DDX18: variants seen among roughly 807,000 people sequenced by gnomAD.
The protein encoded by DDX18 is ATP-dependent RNA helicase DDX18.
DDX18 carries 23 observed loss-of-function variants against 73.5 expected under a neutral mutation model. The ratio of observed to expected loss-of-function variants is 0.31; its 90% CI spans 0.23 to 0.44. The LOEUF (loss-of-function observed/expected upper bound fraction) is 0.44. Ranked by LOEUF, DDX18 falls within the 20% of genes least tolerant of loss-of-function variation. The pLI is 1.00. For missense variants in DDX18, 753 were observed against 792.9 expected (o/e 0.95, Z 0.60); for synonymous variants, 268 against 282.7 (o/e 0.95, Z 0.52).
At chr2:117,829,175 C>T in intron 12 of DDX18, 114 bp from the exon 13 acceptor site, 1 of 1,213,582 alleles carries the variant, frequency 8.2e-7, no homozygotes, top group Non-Finnish European at 1.2e-6. Context: ...CCACTCTGTG[C>T]CCTCTTTAAA....
chr2:117,829,043 C>A, intron 12 of DDX18, 38 bp downstream of exon 12: 1 of 1,529,282 alleles, frequency 6.5e-7, no homozygotes, highest in South Asian at 1.1e-5. Flanking sequence ...AAACAGGAAC[C>A]TTGTCCCAGC....
chr2:117,816,053 G>A (rs1679752007), intron 1 of DDX18, among the ~76,000 whole-genome samples: 1 of 152,194 alleles, frequency 6.6e-6, no homozygotes, highest in Non-Finnish European at 1.5e-5. Context: ...AAAAGGTACA[G>A]TAAAAAGACT....
intron 10 of DDX18, 57 bp from the exon 11 acceptor site, chr2:117,826,212 C>T (rs1234813100): frequency 3.4e-6 from 5 of 1,472,320 alleles, no homozygotes; most frequent in Admixed American, 1.7e-5. Flanking sequence ...TGCAGATACG[C>T]AAATGGGCTC....
Position 117,831,057 on chromosome 2 carries a change from T to G in DDX18, c.*333T>G. ...TAATTCTTTTTGTACCTTTCCTTCTTGTTTTGCGAAGATTTTTGTGGCATG... is the reference window on the plus strand; with the variant it reads ...TAATTCTTTTTGTACCTTTCCTTCTGGTTTTGCGAAGATTTTTGTGGCATG... On this transcript the variant is annotated 3_prime_UTR_variant, in exon 14 of 14. Transcript: ENST00000263239. 1 of 237,516 alleles carries G rather than the reference T, an allele frequency of 4.2e-6. No homozygotes were observed. The highest frequency in any genetic ancestry group is 8.0e-6 in the Non-Finnish European group (1 of 124,874). 14.7% of individuals were successfully genotyped at this position (237,516 alleles called of 1,614,324 possible).
chr2:117,821,326 G>A (rs990600563), intron 4 of DDX18, 30 bp downstream of exon 4: 4 of 1,581,370 alleles, frequency 2.5e-6, no homozygotes, highest in South Asian at 1.2e-5. Flanking sequence ...TTAGATATTG[G>A]CATCTATTTT....
intron 1 of DDX18, among the ~76,000 whole-genome samples, chr2:117,816,868 T>C (rs1168883385): frequency 2.0e-5 from 3 of 152,232 alleles, no homozygotes; most frequent in Admixed American, 1.3e-4. Context: ...TATAATCTTA[T>C]GGAGCCACTG....
rs1034718000 is a variant in DDX18, at chr2:117,829,220, TA to T, written c.1693-65del. 6.7e-6 allele frequency: 10 copies of T among 1,493,662 alleles called. No individual in the cohort carries two copies. In the African/African-American group the frequency reaches 1.4e-4, roughly 21 times the overall value. The allele number at this position is 1,493,662 out of a possible 1,614,324, so 92.5% of individuals were successfully genotyped here. A position where few individuals can be genotyped will look rare whatever the true frequency, so the allele number is the denominator to read the frequency against. ...TGGAGTGGCTTTGCTCTAGGATATTTAAAATCTGGTGTTTTGGAGGTTTTTG... is the reference window on the plus strand; with the variant it reads ...TGGAGTGGCTTTGCTCTAGGATATTTAAATCTGGTGTTTTGGAGGTTTTTG... On this transcript the variant is annotated intron_variant, in intron 12 of 13. Coordinates refer to ENST00000263239, the MANE Select transcript of DDX18 (RefSeq NM_006773.4).
chr2:117,817,861 G>A (rs1428508939), intron 2 of DDX18, 133 bp downstream of exon 2: 2 of 859,980 alleles, frequency 2.3e-6, no homozygotes, highest in African/African-American at 1.7e-5. Flanking sequence ...GATTAGCCTG[G>A]TAGCTAATGG....
At chr2:117,830,506 G>A (rs903609248) in intron 13 of DDX18, 76 bp from the exon 14 acceptor site, 55 of 1,521,602 alleles carry the variant, frequency 3.6e-5, no homozygotes, top group African/African-American at 9.8e-5. Context: ...TGTTCATGCC[G>A]GTTTTTTTCT....
chr2:117,818,806 G>A (rs577915617), intron 2 of DDX18, among the ~76,000 whole-genome samples: 279 of 152,234 alleles, frequency 1.8e-3, no homozygotes, highest in African/African-American at 6.4e-3. Flanking sequence ...ACAGGCAGAA[G>A]CCACCACACC....
chr2:117,828,816 G>T, intron 11 of DDX18, 133 bp from the exon 12 acceptor site: 1 of 648,416 alleles, frequency 1.5e-6, no homozygotes, highest in South Asian at 1.9e-5. Context: ...AACATTGGGA[G>T]ACTAGAAAAA....
In DDX18 at chr2:117,830,782, T is replaced by G. The variant is rs533131078; in HGVS notation, c.*58T>G. ...GTCCTAAAATGAATTTTTTTTCCCC[T>G]TGATTTAACAGGATTTTTGTAGACT... On this transcript the variant is annotated 3_prime_UTR_variant, in exon 14 of 14. Transcript: ENST00000263239. 1.7e-4 allele frequency: 269 copies of G among 1,591,892 alleles called. 2 individuals carry two copies. Among genetic ancestry groups the G allele is most frequent in the East Asian group, 1.0e-3 (45 of 44,650 alleles).
Position 117,825,015 on chromosome 2 carries a change from C to G in DDX18, c.1282C>G (p.Leu428Val). 6.2e-7 allele frequency: 1 copy of G among 1,613,474 alleles called. No homozygotes were observed. The highest frequency in any genetic ancestry group is 8.5e-7 in the Non-Finnish European group (1 of 1,179,532). The part of the protein sequence containing the change: ...TFLKKNRKKK[L>V]MVFFSSCMSV... ...CCTTAAGAAGAACCGAAAGAAGAAG[C>G]TTATGGTCTTCTTTTCATCTTGTAT... The change falls in exon 9 of 14, where the codon CTT becomes GTT. Residue 428 changes from leucine to valine, a missense_variant. Physicochemically the swap from Leu to Val is conservative, Grantham distance 32 (BLOSUM62 1). Transcript: ENST00000263239.
chr2:117,819,534 A>G, intron 2 of DDX18, 115 bp from the exon 3 acceptor site: 5 of 1,031,100 alleles, frequency 4.8e-6, no homozygotes, highest in Non-Finnish European at 5.5e-6. Flanking sequence ...AATACAGCAT[A>G]TACTTAGCTT....
At chr2:117,815,216 C>T (rs1679737382) in intron 1 of DDX18, 2 of 249,170 alleles carry the variant, frequency 8.0e-6, no homozygotes, top group Admixed American at 5.5e-5. Flanking sequence ...CCCTCATTTC[C>T]GGTTATGCTG....
Position 117,824,650 on chromosome 2 carries a change from C to A in DDX18, c.1148C>A (p.Pro383Gln). ...DLARISLKKEPLYVGVDDDKA... is the reference protein window; with the variant it reads ...DLARISLKKEQLYVGVDDDKA... ...GCAAGGATTTCTCTGAAAAAGGAGC[C>A]ATTGTATGTTGGCGTTGATGATGAT... The change falls in exon 8 of 14, where the codon CCA (proline) becomes CAA (glutamine). Residue 383 changes from proline (P) to glutamine (Q), a missense_variant. Around this residue, in one of 3 missense-constraint regions of DDX18, gnomAD observed 402 missense variants for 419.4 expected, o/e 0.96. Transcript: ENST00000263239. 1 of 1,493,448 alleles carries A rather than the reference C, an allele frequency of 6.7e-7. No individual in the cohort carries two copies. The highest frequency in any genetic ancestry group is 1.4e-5 in the African/African-American group (1 of 69,544). 92.5% of individuals were successfully genotyped at this position (1,493,448 alleles called of 1,614,324 possible).
intron 3 of DDX18, among the ~76,000 whole-genome samples, 200 bp from the exon 4 acceptor site, chr2:117,820,961 A>G (rs1679837045): frequency 6.6e-6 from 1 of 152,198 alleles, no homozygotes; most frequent in Non-Finnish European, 1.5e-5. Context: ...TCTCTGGACT[A>G]TAACTCACAC....
intron 6 of DDX18, 32 bp downstream of exon 6, chr2:117,822,093 G>C (rs765300371): frequency 2.2e-5 from 35 of 1,613,542 alleles, no homozygotes; most frequent in Non-Finnish European, 2.6e-5. Flanking sequence ...TCATTGTCTT[G>C]TATGAAACAT....
At position 117,825,631 on chromosome 2, in the gene DDX18, G is replaced by A. The variant is rs1182916590; in HGVS notation, c.1521+32G>A. 5 of 1,603,634 alleles carry A rather than the reference G, an allele frequency of 3.1e-6. No homozygotes were observed. The Admixed American group carries it at 6.8e-5, about 22-fold the overall frequency. On this transcript the variant is annotated intron_variant, in intron 10 of 13. Coordinates refer to ENST00000263239, the MANE Select transcript of DDX18 (RefSeq NM_006773.4). ...GGCATCTTTGGAATATCTTCAGAATGACTCTGCATTAAAAGTTCACTTATT... is the reference window on the plus strand; with the variant it reads ...GGCATCTTTGGAATATCTTCAGAATAACTCTGCATTAAAAGTTCACTTATT...
Sources: allele counts gnomAD v4.1 joint callset (sites outside exome capture counted in the v4.1 genomes callset), GRCh38; gene constraint gnomAD v4.1.1; regional missense constraint gnomAD v4.1.1; transcripts MANE v1.5; gene names NCBI Gene and HGNC (gene_info 2026-07-23, HGNC 2026-07-21).